FGF14: variants seen among roughly 807,000 people sequenced by gnomAD.
FGF14 encodes the protein fibroblast growth factor homologous factor 4.
A neutral mutation model predicts 25.5 loss-of-function variants in FGF14; 5 were observed. The ratio of observed to expected loss-of-function variants is 0.20; its 90% CI spans 0.10 to 0.41. The LOEUF (loss-of-function observed/expected upper bound fraction) is 0.41, where lower values mean the gene tolerates loss of function less well. FGF14 is among the 10% of genes least tolerant of loss of function. FGF14 has a pLI of 1.00. For missense variants in FGF14, 222 were observed against 320.1 expected (o/e 0.69, Z 2.34); for synonymous variants, 138 against 118.3 (o/e 1.17, Z -1.08).
chr13:102,069,409 C>G (rs372522309), intron 1 of FGF14, among the ~76,000 whole-genome samples: 9 of 152,150 alleles, frequency 5.9e-5, no homozygotes, highest in South Asian at 2.1e-4. Context: ...GGAGGCTGCC[C>G]GAGCCAGCAT....
chr13:101,825,488 T>C (rs1182461089), intron 3 of FGF14, among the ~76,000 whole-genome samples: 2 of 152,204 alleles, frequency 1.3e-5, no homozygotes, highest in Non-Finnish European at 2.9e-5. Flanking sequence ...ATTTTATCTC[T>C]ACATTTTCAA....
At chr13:102,036,994 C>T (rs191373772) in intron 1 of FGF14, among the ~76,000 whole-genome samples, 18 of 152,190 alleles carry the variant, frequency 1.2e-4, no homozygotes, top group African/African-American at 2.9e-4. Context: ...TTCAGAGTGG[C>T]ATCCTTTCCA....
chr13:102,352,945 C>G (rs1333414322), intron 1 of FGF14, among the ~76,000 whole-genome samples: 6 of 152,124 alleles, frequency 3.9e-5, no homozygotes, highest in Non-Finnish European at 7.4e-5. Context: ...CTTCCCCTTC[C>G]CATTGCGCAC....
intron 1 of FGF14, among the ~76,000 whole-genome samples, chr13:102,125,549 G>C (rs1258440495): frequency 1.3e-5 from 2 of 152,248 alleles, no homozygotes; most frequent in East Asian, 3.9e-4. Flanking sequence ...CTGTATGTGT[G>C]TCTCCATCAA....
chr13:101,820,478 TG>T (rs1566939984), intron 3 of FGF14, among the ~76,000 whole-genome samples: 7 of 152,174 alleles, frequency 4.6e-5, no homozygotes, highest in African/African-American at 1.7e-4. Flanking sequence ...GTTGTGTTTC[TG>T]GGTTGAACGT....
chr13:101,761,941 G>A (rs2038057526), intron 3 of FGF14, among the ~76,000 whole-genome samples: 1 of 152,110 alleles, frequency 6.6e-6, no homozygotes, highest in African/African-American at 2.4e-5. Context: ...AGGCCGCCAG[G>A]GAGTTAGAAT....
rs3066038 is a variant in FGF14 at position 102,301,826 on chromosome 13, T to TCACACACACACACACA, written c.208+99629_208+99644dup. Among the ~76,000 whole-genome samples, 760 of 140,050 alleles carry TCACACACACACACACA rather than the reference T, an allele frequency of 5.4e-3. 9 individuals carry two copies. The highest frequency in any genetic ancestry group is 7.9e-3 in the Admixed American group (109 of 13,812). 91.9% of individuals were successfully genotyped at this position (140,050 alleles called of 152,430 possible). ...CTTTCTTCTCAAATCTTCCTGTACT[T>TCACACACACACACACA]CACACACACACACACACACACACAC... On this transcript the variant is annotated intron_variant, in intron 1 of 4. Coordinates refer to the FGF14 transcript ENST00000376131.
At chr13:101,985,246 C>A (rs1335474918) in intron 1 of FGF14, among the ~76,000 whole-genome samples, 1 of 151,928 alleles carries the variant, frequency 6.6e-6, no homozygotes, top group Non-Finnish European at 1.5e-5. Flanking sequence ...AGCTGCCAAT[C>A]CACTGGCAAT....
At chr13:102,210,632 A>G (rs1448460428) in intron 1 of FGF14, among the ~76,000 whole-genome samples, 1 of 152,178 alleles carries the variant, frequency 6.6e-6, no homozygotes, top group East Asian at 1.9e-4. Flanking sequence ...ATTGTTATAA[A>G]TGGTGTGTTT....
At chr13:102,364,319 C>A (rs2057649452) in intron 1 of FGF14, among the ~76,000 whole-genome samples, 1 of 152,228 alleles carries the variant, frequency 6.6e-6, no homozygotes, top group Non-Finnish European at 1.5e-5. Context: ...ACACTACTTT[C>A]ATTCCAATTT....
At chr13:102,158,537 G>C (rs530595723) in intron 1 of FGF14, among the ~76,000 whole-genome samples, 23 of 151,020 alleles carry the variant, frequency 1.5e-4, no homozygotes, top group Non-Finnish European at 2.5e-4. Context: ...GGGGTAGCGG[G>C]GGGGGGATAC....
rs1242286072 is a variant in FGF14 at position 101,715,574 on chromosome 13, T to C, written c.*7257A>G. 1.2e-6 allele frequency: 2 copies of C among 1,611,842 alleles called. No homozygotes were observed. Among genetic ancestry groups the C allele is most frequent in the Non-Finnish European group, 1.7e-6 (2 of 1,177,968 alleles). On this transcript the variant is annotated 3_prime_UTR_variant, in exon 5 of 5. Coordinates refer to ENST00000376143, the MANE Select transcript of FGF14 (RefSeq NM_004115.4). ...GTATTTTATTGCAGGGAATGGAATATGTAGCTGTGGAAACTGTGAATGCTG... is the reference window on the plus strand; with the variant it reads ...GTATTTTATTGCAGGGAATGGAATACGTAGCTGTGGAAACTGTGAATGCTG...
At chr13:102,020,504 C>T (rs146198492) in intron 1 of FGF14, among the ~76,000 whole-genome samples, 10 of 151,954 alleles carry the variant, frequency 6.6e-5, no homozygotes, top group African/African-American at 2.4e-4. Flanking sequence ...GCCGAGATCA[C>T]GCATTGCACT....
At chr13:101,775,509 G>A (rs1192874030) in intron 3 of FGF14, among the ~76,000 whole-genome samples, 4 of 135,322 alleles carry the variant, frequency 3.0e-5, no homozygotes, top group Non-Finnish European at 5.1e-5. Flanking sequence ...GAAGAGCCGA[G>A]AATTTCTGGG....
intron 1 of FGF14, among the ~76,000 whole-genome samples, chr13:102,182,406 G>A (rs2048713925): frequency 6.6e-6 from 1 of 152,064 alleles, no homozygotes; most frequent in Non-Finnish European, 1.5e-5. Flanking sequence ...TTTGACCTCT[G>A]GAACTGTACC....
At chr13:102,140,084 T>C (rs1315487435) in intron 1 of FGF14, among the ~76,000 whole-genome samples, 1 of 118,908 alleles carries the variant, frequency 8.4e-6, no homozygotes, top group Non-Finnish European at 1.7e-5. Context: ...CCGTGTTTGG[T>C]GCTTTGGTGG....
chr13:102,105,732 T>G (rs977569896), intron 1 of FGF14, among the ~76,000 whole-genome samples: 7 of 152,242 alleles, frequency 4.6e-5, no homozygotes, highest in South Asian at 2.1e-4. Flanking sequence ...AGTAGCTTAT[T>G]AAGCGGAAAA....
At chr13:102,268,182 C>T (rs1282754166) in intron 1 of FGF14, among the ~76,000 whole-genome samples, 3 of 152,066 alleles carry the variant, frequency 2.0e-5, no homozygotes, top group African/African-American at 7.2e-5. Flanking sequence ...GGTCTTTGTT[C>T]GCCACTGTCT....
chr13:101,908,438 T>A (rs2032515473), intron 1 of FGF14, among the ~76,000 whole-genome samples: 1 of 152,194 alleles, frequency 6.6e-6, no homozygotes, highest in Admixed American at 6.5e-5. Flanking sequence ...ATGGATAATG[T>A]AGTGTACCTA....
Sources: gnomAD v4.1 joint callset for allele counts (sites outside exome capture counted in the v4.1 genomes callset) on GRCh38, gnomAD v4.1.1 for gene constraint, MANE v1.5 for transcripts, NCBI Gene and HGNC (gene_info 2026-07-23, HGNC 2026-07-21) for gene names.